Variants in MON2 observed in about 807,000 individuals in gnomAD.
MON2 encodes the protein MON2 regulator of endosome-to-Golgi trafficking.
MON2 carries 84 observed loss-of-function variants against 208.6 expected under a neutral mutation model. The observed-to-expected ratio is 0.40, with a 90% confidence interval of 0.34 to 0.48. The LOEUF (loss-of-function observed/expected upper bound fraction) is 0.48. Among genes scored for constraint, MON2 ranks in the 20% least tolerant of loss-of-function variants. The probability of loss-of-function intolerance (pLI) is 0.59; values close to 1 mark genes in which losing one functional copy is unlikely to be tolerated. For missense variants in MON2, 1,611 were observed against 2,015.4 expected, an observed-to-expected ratio of 0.80 and a Z score of 3.84; for synonymous variants, 660 against 694.0, an observed-to-expected ratio of 0.95 and a Z score of 0.77.
At chr12:62,562,724 T>C (rs1255846263) in intron 26 of MON2, among the ~76,000 whole-genome samples, 1 of 152,178 alleles carries the variant, frequency 6.6e-6, no homozygotes, top group African/African-American at 2.4e-5. Flanking sequence ...AAACACTTTA[T>C]TGATAGAAAG....
In MON2 at chr12:62,570,231, A is replaced by C. The variant is rs149237767; in HGVS notation, c.4324-1161A>C. 5.8e-3 allele frequency among the ~76,000 whole-genome samples: 887 copies of C among 152,324 alleles called. 9 individuals carry two copies. Among genetic ancestry groups the C allele is most frequent in the African/African-American group, 0.02 (844 of 41,574 alleles). On this transcript the variant is annotated intron_variant, in intron 29 of 34. Coordinates refer to ENST00000393630, the MANE Select transcript of MON2 (RefSeq NM_015026.3). Reference sequence around the variant, plus strand: ...CACTATACTTAGTCACTATATATCTAGTCACTGTACATGACTCAAACGCTC... The same window carrying C: ...CACTATACTTAGTCACTATATATCTCGTCACTGTACATGACTCAAACGCTC...
intron 33 of MON2, among the ~76,000 whole-genome samples, chr12:62,586,144 T>C (rs988249211): frequency 6.6e-6 from 1 of 152,238 alleles, no homozygotes; most frequent in African/African-American, 2.4e-5. Flanking sequence ...CAAATACTTT[T>C]ATAATGTGGA....
At chr12:62,537,959 T>G in intron 16 of MON2, 137 bp from the exon 17 acceptor site, 1 of 732,406 alleles carries the variant, frequency 1.4e-6, no homozygotes, top group Non-Finnish European at 2.2e-6. Context: ...TAATTAGTGA[T>G]TTTAGTTTTA....
chr12:62,581,852 T>G (rs79183785), intron 32 of MON2, among the ~76,000 whole-genome samples: 3,067 of 152,226 alleles, frequency 0.02, 95 homozygotes, highest in African/African-American at 0.068. Flanking sequence ...AAAAAGAAAC[T>G]GTAAATTTGT....
At chr12:62,584,475 T>G (rs934108029) in intron 32 of MON2, among the ~76,000 whole-genome samples, 4 of 152,068 alleles carry the variant, frequency 2.6e-5, no homozygotes, top group Non-Finnish European at 4.4e-5. Flanking sequence ...AAGCCAAGGC[T>G]GGCGGATCAC....
At chr12:62,494,119 T>A (rs1030042513) in intron 3 of MON2, 77 bp downstream of exon 3, 4 of 1,274,790 alleles carry the variant, frequency 3.1e-6, no homozygotes, top group Non-Finnish European at 4.3e-6. Context: ...GAAACATACC[T>A]GATATTTAAT....
intron 1 of MON2, among the ~76,000 whole-genome samples, chr12:62,480,274 C>A (rs1036308308): frequency 2.0e-5 from 3 of 152,150 alleles, no homozygotes; most frequent in Non-Finnish European, 4.4e-5. Flanking sequence ...TTAAAAAATA[C>A]TTGACCAGGC....
At chr12:62,553,921 C>T (rs749336917) in intron 24 of MON2, among the ~76,000 whole-genome samples, 25 of 152,124 alleles carry the variant, frequency 1.6e-4, no homozygotes, top group Non-Finnish European at 3.7e-4. Context: ...TGGTGACTGA[C>T]ACCTGTAATC....
In MON2 at chr12:62,473,655, T is replaced by C. The variant is rs560555229; in HGVS notation, c.111+6337T>C. Among the ~76,000 whole-genome samples the C allele has an allele frequency of 5.9e-5, 9 of 152,008 alleles. No homozygotes were observed. In the South Asian group the frequency reaches 1.5e-3, roughly 25 times the overall value. On this transcript the variant is annotated intron_variant, in intron 1 of 34. Transcript: ENST00000393630. ...GGCTATCTTGGCTCACTGCAGCCTC[T>C]GTCTCCCAGGCTCAAATGATCCTCC...
Position 62,550,320 on chromosome 12 carries a change from G to A in MON2, c.2916+490G>A, listed in dbSNP as rs185614624. Among the ~76,000 whole-genome samples, 3 of 152,198 alleles carry A rather than the reference G, an allele frequency of 2.0e-5. No homozygotes were observed. The East Asian group carries it at 5.8e-4, about 29-fold the overall frequency. ...TGAGGTGGGAGGATTGCTGAGGCCA[G>A]GAGTTTGAGACCAGGCTGGGCAATA... On this transcript the variant is annotated intron_variant, in intron 23 of 34. Transcript: ENST00000393630.
intron 14 of MON2, among the ~76,000 whole-genome samples, chr12:62,536,813 T>A (rs1344498772): frequency 6.6e-6 from 1 of 151,708 alleles, no homozygotes; most frequent in Non-Finnish European, 1.5e-5. Flanking sequence ...CTCAGCCTCC[T>A]GAGTAGCTGA....
At chr12:62,561,546 G>C (rs2074198206) in intron 26 of MON2, among the ~76,000 whole-genome samples, 1 of 151,902 alleles carries the variant, frequency 6.6e-6, no homozygotes, top group Non-Finnish European at 1.5e-5. Context: ...TTTATAAAAA[G>C]TATTTTTCCT....
At position 62,593,711 on chromosome 12, in the gene MON2, A is replaced by G. The variant is rs1392529425; in HGVS notation, c.*962A>G. 1 of 152,356 alleles carries G rather than the reference A, an allele frequency of 6.6e-6. No individual in the cohort carries two copies. The highest frequency in any genetic ancestry group is 1.5e-5 in the Non-Finnish European group (1 of 67,994). The allele number at this position is 152,356 out of a possible 1,614,324, so 9.4% of individuals were successfully genotyped here. Reference sequence around the variant, plus strand: ...TCTACTGATTTTGTTTCCCCTAACAACATTTGTCACTGTCTTTGAATTATG... The same window carrying G: ...TCTACTGATTTTGTTTCCCCTAACAGCATTTGTCACTGTCTTTGAATTATG... On this transcript the variant is annotated 3_prime_UTR_variant, in exon 35 of 35. Transcript: ENST00000393630.
At chr12:62,497,253 A>G (rs2070562081) in intron 4 of MON2, among the ~76,000 whole-genome samples, 3 of 151,728 alleles carry the variant, frequency 2.0e-5, no homozygotes, top group Non-Finnish European at 4.4e-5. Context: ...AGCATGGCAC[A>G]TGTACACATA....
In MON2 at chr12:62,598,442, C is replaced by T. The variant is rs1443179071; in HGVS notation, c.*5693C>T. On this transcript the variant is annotated 3_prime_UTR_variant, in exon 35 of 35. Coordinates refer to ENST00000393630, the MANE Select transcript of MON2 (RefSeq NM_015026.3). The stretch of plus-strand genomic sequence containing the variant: ...GATGTTTACTAGATGGAGAAAAATA[C>T]TCCATACCTATATTGCAATTTTATT... 6.6e-6 allele frequency: 1 copy of T among 152,060 alleles called. No individual in the cohort carries two copies. 9.4% of individuals were successfully genotyped at this position (152,060 alleles called of 1,614,324 possible).
intron 8 of MON2, among the ~76,000 whole-genome samples, chr12:62,524,049 T>C (rs1328624972): frequency 2.6e-5 from 4 of 152,144 alleles, no homozygotes; most frequent in Non-Finnish European, 5.9e-5. Flanking sequence ...CTGCTATAGG[T>C]TCCTCCTTAT....
At chr12:62,542,393 CTGTT>C (rs2073277980) in intron 19 of MON2, among the ~76,000 whole-genome samples, 1 of 152,128 alleles carries the variant, frequency 6.6e-6, no homozygotes, top group Non-Finnish European at 1.5e-5. Flanking sequence ...GACAATGTCT[CTGTT>C]TGAAATACCA....
chr12:62,532,689 AATTTTT>A lies in MON2; in HGVS notation c.1633+23_1633+28del. 5 of 1,556,862 alleles carry A rather than the reference AATTTTT, an allele frequency of 3.2e-6. No individual in the cohort carries two copies. The highest frequency in any genetic ancestry group is 4.4e-6 in the Non-Finnish European group (5 of 1,135,092). On this transcript the variant is annotated intron_variant, in intron 12 of 34. Transcript: ENST00000393630. ...GAAATTGGTATGAGTCTGTATTTTT[AATTTTT>A]ATTGGAAATAATTTGAAATTTACAA...
intron 1 of MON2, among the ~76,000 whole-genome samples, chr12:62,470,167 A>G (rs541174064): frequency 2.6e-5 from 4 of 152,134 alleles, no homozygotes; most frequent in African/African-American, 9.7e-5. Flanking sequence ...TCCTACTCCC[A>G]AAGTGCTAGG....
Sources: gnomAD v4.1 joint callset for allele counts (sites outside exome capture counted in the v4.1 genomes callset) on GRCh38, gnomAD v4.1.1 for gene constraint, MANE v1.5 for transcripts, NCBI Gene and HGNC (gene_info 2026-07-23, HGNC 2026-07-21) for gene names.